Variants in SH3TC1 observed in about 807,000 individuals in gnomAD.
SH3TC1 encodes the protein SH3 domain and tetratricopeptide repeats 1, also known as SH3 domain and tetratricopeptide repeat-containing protein 1.
In SH3TC1, 135 loss-of-function variants were observed where a neutral mutation model predicts 117.3. The ratio of observed to expected loss-of-function variants is 1.15; its 90% CI spans 1.00 to 1.33. SH3TC1 has a LOEUF of 1.33. SH3TC1 is among the 40% of genes most tolerant of loss of function. The pLI is 0.00. For synonymous variants in SH3TC1, 898 were observed against 816.9 expected, an observed-to-expected ratio of 1.10 and a Z score of -1.69; for missense variants, 2,092 against 1,794.3, an observed-to-expected ratio of 1.17 and a Z score of -3.00.
chr4:8,197,315 A>T (rs1717584199), upstream of SH3TC1, among the ~76,000 whole-genome samples: 1 of 152,156 alleles, frequency 6.6e-6, no homozygotes, highest in Admixed American at 6.5e-5. Context: ...GGCCTCCAGA[A>T]CTGTAAGAGA....
rs774676331 is a variant in SH3TC1, at chr4:8,227,931, G to A, written c.2237G>A (p.Arg746Lys). 2.5e-6 allele frequency: 4 copies of A among 1,612,652 alleles called. No homozygotes were observed. The highest frequency in any genetic ancestry group is 3.3e-5 in the Admixed American group (2 of 60,028). ...RTRGSLAGSL[R>K]SVNLVLQNAP... ...CGGGGCTCGCTGGCCGGCTCGCTGA[G>A]GAGTGTGAACCTGGTGCTCCAGAAC... The change falls in exon 12 of 18, where the codon AGG (arginine) becomes AAG (lysine). Residue 746 changes from arginine (R) to lysine (K), a missense_variant. Physicochemically the swap from Arg to Lys is conservative, Grantham distance 26. Transcript: ENST00000245105.
chr4:8,183,578 C>CTA lies in SH3TC1; in HGVS notation c.-57+1369_-57+1370dup, dbSNP rs1312534021. ...AAAAGTTCATCAAACTTGTTCCACC[C>CTA]TACAGGGACTTTTTGTTTGTTTTTC... On this transcript the variant is annotated intron_variant, in intron 1 of 16. Transcript: ENST00000508641. The surrounding 1 kb of genome is among the most constrained non-coding windows in gnomAD (Gnocchi z 5.4). 1.3e-5 allele frequency among the ~76,000 whole-genome samples: 2 copies of CTA among 152,218 alleles called. No individual in the cohort carries two copies. Among genetic ancestry groups the CTA allele is most frequent in the African/African-American group, 4.8e-5 (2 of 41,452 alleles).
chr4:8,228,714 T>A, intron 12 of SH3TC1, 70 bp downstream of exon 12: 1 of 1,252,344 alleles, frequency 8.0e-7, no homozygotes, highest in South Asian at 1.6e-5. Context: ...GGGTTTGTGA[T>A]TCAGACACAA....
chr4:8,211,983 G>A (rs1234795790), intron 3 of SH3TC1, among the ~76,000 whole-genome samples: 2 of 152,094 alleles, frequency 1.3e-5, no homozygotes, highest in African/African-American at 2.4e-5. Flanking sequence ...GCCAGGTGTG[G>A]ACAGCTGCCC....
chr4:8,214,324 C>G (rs949389094), intron 4 of SH3TC1, 151 bp from the exon 5 acceptor site: 2 of 644,280 alleles, frequency 3.1e-6, no homozygotes, highest in East Asian at 5.8e-5. Flanking sequence ...AGGGGAGGAG[C>G]TGACTTGGGC....
chr4:8,192,666 G>A lies in SH3TC1; in HGVS notation c.-57+10456G>A, dbSNP rs1717452832. ...GTGCCACAACGCCCAGCTAATTTTT[G>A]TATTTTTAGTAGAGGTGGGGTTTCA... is the stretch of plus-strand genomic sequence containing the variant. On this transcript the variant is annotated intron_variant, in intron 1 of 16. Transcript: ENST00000508641. The surrounding 1 kb of genome is among the most constrained non-coding windows in gnomAD (Gnocchi z 4.1). Among the ~76,000 whole-genome samples the A allele has an allele frequency of 6.6e-6, 1 of 151,768 alleles. No individual in the cohort carries two copies. Among genetic ancestry groups the A allele is most frequent in the South Asian group, 2.1e-4 (1 of 4,818 alleles).
At chr4:8,229,886 G>A (rs1720991298) in intron 12 of SH3TC1, among the ~76,000 whole-genome samples, 2 of 152,226 alleles carry the variant, frequency 1.3e-5, no homozygotes, top group African/African-American at 4.8e-5. Context: ...TGGAAACGCA[G>A]GCCAGGGAAC....
At chr4:8,197,099 C>T (rs1717578056), upstream of SH3TC1, among the ~76,000 whole-genome samples, 1 of 152,154 alleles carries the variant, frequency 6.6e-6, no homozygotes, top group Non-Finnish European at 1.5e-5. Context: ...GACCCCAAAT[C>T]CAGTGACAGG....
Position 8,206,801 on chromosome 4 carries a change from C to T in SH3TC1, c.172+1435C>T, listed in dbSNP as rs1037425968. On this transcript the variant is annotated intron_variant, in intron 2 of 17. Transcript: ENST00000245105. The surrounding 1 kb of genome is among the most constrained non-coding windows in gnomAD (Gnocchi z 5.5). The stretch of plus-strand genomic sequence containing the variant: ...CATACCCAGGTTCCCTGAATGTTCG[C>T]ATTTTAGGACTTTTACTTTGTGTGT... 2.0e-4 allele frequency among the ~76,000 whole-genome samples: 30 copies of T among 151,506 alleles called. No homozygotes were observed. The highest frequency in any genetic ancestry group is 1.6e-3 in the Admixed American group (24 of 15,212).
rs972596749 is a variant in SH3TC1 at position 8,186,356 on chromosome 4, G to A, written c.-57+4146G>A. 2.0e-5 allele frequency among the ~76,000 whole-genome samples: 3 copies of A among 152,274 alleles called. No homozygotes were observed. Among genetic ancestry groups the A allele is most frequent in the South Asian group, 2.1e-4 (1 of 4,822 alleles). Reference sequence around the variant, plus strand: ...ACAGGGACATCTGAAAAACCTTCCCGGCCAAAAGGCACCCCAAAAGACGAG... The same window carrying A: ...ACAGGGACATCTGAAAAACCTTCCCAGCCAAAAGGCACCCCAAAAGACGAG... On this transcript the variant is annotated intron_variant, in intron 1 of 16. Transcript: ENST00000508641. This position sits in a 1 kb window ranked among gnomAD's most constrained non-coding sequence, Gnocchi z 5.2.
intron 2 of SH3TC1, among the ~76,000 whole-genome samples, chr4:8,207,469 C>T (rs1401084703): frequency 1.3e-5 from 2 of 152,312 alleles, no homozygotes; most frequent in African/African-American, 2.4e-5. Flanking sequence ...ATTCATGAAG[C>T]GCTACTGTCT....
chr4:8,215,080 C>T (rs1213191028), intron 5 of SH3TC1: 6 of 448,172 alleles, frequency 1.3e-5, no homozygotes, highest in East Asian at 7.1e-5. Flanking sequence ...TAGGCGGAGT[C>T]GTAGACGGAT....
intron 10 of SH3TC1, among the ~76,000 whole-genome samples, chr4:8,223,508 C>G (rs1720143736): frequency 6.6e-6 from 1 of 152,204 alleles, no homozygotes. Context: ...CAAAAGCTTT[C>G]TCTGGGGGCT....
chr4:8,201,274 A>T (rs2152976848), intron 1 of SH3TC1: 1 of 152,230 alleles, frequency 6.6e-6, no homozygotes, highest in East Asian at 1.9e-4. Context: ...AACCCACTCG[A>T]CCCACTTGTG....
rs1392723847 is a variant in SH3TC1, at chr4:8,205,426, G to A, written c.172+60G>A. 74 of 1,221,050 alleles carry A rather than the reference G, an allele frequency of 6.1e-5. No individual in the cohort carries two copies. The highest frequency in any genetic ancestry group is 3.1e-4 in the South Asian group (18 of 58,750). The allele number at this position is 1,221,050 out of a possible 1,614,324, so 75.6% of individuals were successfully genotyped here. ...TCCCACCCACTTCTCCACCCCACCC[G>A]CCCCGTCCATCCATCCCTCACCACC... is the stretch of plus-strand genomic sequence containing the variant. On this transcript the variant is annotated intron_variant, in intron 2 of 17. Transcript: ENST00000245105. This position sits in a 1 kb window ranked among gnomAD's most constrained non-coding sequence, Gnocchi z 5.4.
chr4:8,236,066 G>C (rs955542924), intron 15 of SH3TC1: 14 of 591,866 alleles, frequency 2.4e-5, no homozygotes, highest in Middle Eastern at 9.2e-4. Flanking sequence ...GGGCTGGTTT[G>C]AGGCTGCCGG....
At position 8,235,554 on chromosome 4, in the gene SH3TC1, G is replaced by T. The variant is rs374013419; in HGVS notation, c.3404G>T (p.Arg1135Leu). ...WEREKAVSFY[R>L]DRALPLAVTT... Reference sequence around the variant, plus strand: ...CGGGAGAAAGCTGTGTCCTTCTACCGGGTGAGCTGGCCTGTGGGCTGATGT... The same window carrying T: ...CGGGAGAAAGCTGTGTCCTTCTACCTGGTGAGCTGGCCTGTGGGCTGATGT... The change falls in exon 15 of 18, where the codon CGG becomes CTG. Residue 1135 changes from arginine to leucine, a missense_variant and splice_region_variant. Arg to Leu is a moderately radical substitution (Grantham distance 102). Transcript: ENST00000245105. 18 of 1,594,276 alleles carry T rather than the reference G, an allele frequency of 1.1e-5. No homozygotes were observed. The highest frequency in any genetic ancestry group is 1.5e-5 in the Non-Finnish European group (17 of 1,169,198).
rs1450916987 is a variant in SH3TC1, at chr4:8,209,412, TCTCCCCAGAG to T, written c.173-334_173-325del. Among the ~76,000 whole-genome samples the T allele has an allele frequency of 6.6e-6, 1 of 152,070 alleles. No individual in the cohort carries two copies. The highest frequency in any genetic ancestry group is 6.5e-5 in the Admixed American group (1 of 15,268). ...GGCCTCTTGAAGGCGAGGAGTGGAT[TCTCCCCAGAG>T]CCCCTGGGAGGAACAGGGCCCTGTC... On this transcript the variant is annotated intron_variant, in intron 2 of 17. Coordinates refer to ENST00000245105, the MANE Select transcript of SH3TC1 (RefSeq NM_018986.5). The surrounding 1 kb of genome is among the most constrained non-coding windows in gnomAD (Gnocchi z 5.9).
intron 1 of SH3TC1, among the ~76,000 whole-genome samples, chr4:8,191,307 CG>C (rs1717409390): frequency 1.3e-5 from 2 of 152,170 alleles, no homozygotes; most frequent in African/African-American, 4.8e-5. Flanking sequence ...CCGGCCAGTT[CG>C]GGGGTGGGTG....
Sources: allele counts gnomAD v4.1 joint callset (sites outside exome capture counted in the v4.1 genomes callset), GRCh38; gene constraint gnomAD v4.1.1; non-coding constraint Gnocchi (gnomAD v3.1); transcripts MANE v1.5; gene names NCBI Gene and HGNC (gene_info 2026-07-23, HGNC 2026-07-21).